Variants in TSPAN11 observed in about 807,000 individuals in gnomAD.
TSPAN11 encodes tetraspanin-11.
A neutral mutation model predicts 32.9 loss-of-function variants in TSPAN11; 29 were observed. The observed-to-expected ratio is 0.88, with a 90% confidence interval of 0.66 to 1.20. The LOEUF (loss-of-function observed/expected upper bound fraction) is 1.20, where lower values mean the gene tolerates loss of function less well. Ranked by LOEUF, TSPAN11 falls within the 50% of genes most tolerant of loss-of-function variation. TSPAN11 has a pLI of 0.00. For synonymous variants in TSPAN11, 140 were observed against 141.3 expected (o/e 0.99, Z 0.07); for missense variants, 283 against 329.1 (o/e 0.86, Z 1.08).
downstream of TSPAN11, among the ~76,000 whole-genome samples, chr12:30,998,492 T>C (rs957955842): frequency 4.6e-5 from 7 of 152,342 alleles, no homozygotes; most frequent in African/African-American, 1.7e-4. Context: ...TAAAAGCAAA[T>C]GCATGACAAG....
intron 7 of TSPAN11, among the ~76,000 whole-genome samples, chr12:30,990,148 G>A (rs1161476683): frequency 2.0e-5 from 3 of 152,108 alleles, no homozygotes; most frequent in Non-Finnish European, 4.4e-5. Flanking sequence ...GTGTGTGTGT[G>A]TGTGCAAGTG....
downstream of TSPAN11, among the ~76,000 whole-genome samples, chr12:30,998,154 C>T (rs558892326): frequency 6.6e-6 from 1 of 152,338 alleles, no homozygotes; most frequent in African/African-American, 2.4e-5. Context: ...GGGACAGGTG[C>T]CCTCCAGGCC....
chr12:30,975,656 C>T lies in TSPAN11; in HGVS notation c.277-2905C>T, dbSNP rs543297570. ...TCTACCTCCCCATCCTCCCTGTTCC[C>T]CACCCCGTCTTCAATAGTAACTGGG... On this transcript the variant is annotated intron_variant, in intron 3 of 7. Transcript: ENST00000546076. This position sits in a 1 kb window ranked among gnomAD's most constrained non-coding sequence, Gnocchi z 4.5. Among the ~76,000 whole-genome samples the T allele has an allele frequency of 6.6e-3, 1,007 of 152,212 alleles. 10 individuals are homozygous for T. The highest frequency in any genetic ancestry group is 0.023 in the African/African-American group (955 of 41,526).
intron 3 of TSPAN11, among the ~76,000 whole-genome samples, chr12:30,977,283 C>G (rs1271946412): frequency 1.3e-5 from 2 of 152,032 alleles, no homozygotes; most frequent in African/African-American, 2.4e-5. Context: ...ATCCTGGGCA[C>G]CGCCCCCGCT....
At chr12:30,942,630 C>T (rs1028207018) in intron 1 of TSPAN11, among the ~76,000 whole-genome samples, 13 of 151,764 alleles carry the variant, frequency 8.6e-5, no homozygotes, top group African/African-American at 3.1e-4. Flanking sequence ...TGTATGTCTG[C>T]ATCTGGAGAA....
chr12:30,933,112 G>A (rs1937967106), intron 1 of TSPAN11, among the ~76,000 whole-genome samples: 1 of 152,154 alleles, frequency 6.6e-6, no homozygotes. Context: ...CCCCTTGCTG[G>A]GCTGCAGCTG....
chr12:30,982,481 AC>A (rs755395656), intron 5 of TSPAN11, 50 bp from the exon 6 acceptor site: 9 of 1,574,030 alleles, frequency 5.7e-6, no homozygotes, highest in Non-Finnish European at 1.7e-6. Flanking sequence ...GCAGCCTGGG[AC>A]CCTACGCAGG....
chr12:30,949,675 C>A (rs1223520587), intron 1 of TSPAN11, among the ~76,000 whole-genome samples: 5 of 152,122 alleles, frequency 3.3e-5, no homozygotes, highest in Admixed American at 2.0e-4. Flanking sequence ...ACAGCCAAAC[C>A]ATATCAGCTT....
chr12:30,951,189 A>G (rs147316754), intron 1 of TSPAN11, among the ~76,000 whole-genome samples: 33 of 152,340 alleles, frequency 2.2e-4, no homozygotes, highest in African/African-American at 7.5e-4. Flanking sequence ...TGTGAAACAT[A>G]TATCAAAAAA....
rs1018699633 is a variant in TSPAN11, at chr12:30,992,175, C to T, written c.*260C>T. 6 of 551,872 alleles carry T rather than the reference C, an allele frequency of 1.1e-5. No individual in the cohort carries two copies. Among genetic ancestry groups the T allele is most frequent in the Non-Finnish European group, 2.0e-5 (6 of 307,642 alleles). 34.2% of individuals were successfully genotyped at this position (551,872 alleles called of 1,614,324 possible). ...GGAAATGATCCTTTCAGGAGACAAC[C>T]AGAGCCCCTCACCAGGAACGGGGGC... is the stretch of plus-strand genomic sequence containing the variant. On this transcript the variant is annotated 3_prime_UTR_variant, in exon 8 of 8. Transcript: ENST00000546076.
In TSPAN11 at chr12:30,996,258, G is replaced by A. The variant is rs531486630; in HGVS notation, c.*4343G>A. On this transcript the variant is annotated 3_prime_UTR_variant, in exon 8 of 8. Coordinates refer to ENST00000546076, the MANE Select transcript of TSPAN11 (RefSeq NM_001370302.1). ...TTTCCCACCAACTTCTACATGCCTT[G>A]GGAGAACCTGCTACATGTTGGCTGC... 2.0e-5 allele frequency: 3 copies of A among 152,384 alleles called. No homozygotes were observed. The highest frequency in any genetic ancestry group is 2.9e-5 in the Non-Finnish European group (2 of 68,074). 9.4% of individuals were successfully genotyped at this position (152,384 alleles called of 1,614,324 possible).
At chr12:31,000,774 T>G (rs1939470577), downstream of TSPAN11, among the ~76,000 whole-genome samples, 1 of 152,174 alleles carries the variant, frequency 6.6e-6, no homozygotes. Context: ...AAGAAGACGT[T>G]TAATTACACC....
Position 30,966,359 on chromosome 12 carries a change from C to G in TSPAN11, c.276+2342C>G, listed in dbSNP as rs566238815. The stretch of plus-strand genomic sequence containing the variant: ...CTATCACACTGGTGCACCTGGTCAC[C>G]CCAGCAGGTGCGCACAGTCTGCATG... On this transcript the variant is annotated intron_variant, in intron 3 of 7. Transcript: ENST00000546076. 2.0e-3 allele frequency among the ~76,000 whole-genome samples: 303 copies of G among 152,256 alleles called. 1 individual carries two copies. Among genetic ancestry groups the G allele is most frequent in the Non-Finnish European group, 3.8e-3 (259 of 68,008 alleles).
chr12:30,937,438 C>T (rs768455355), intron 1 of TSPAN11, among the ~76,000 whole-genome samples: 17 of 149,882 alleles, frequency 1.1e-4, no homozygotes, highest in Non-Finnish European at 2.2e-4. Context: ...TTTGGGGGGG[C>T]GGCAGGGGGC....
rs955355864 is a variant in TSPAN11, at chr12:30,996,149, C to T, written c.*4234C>T. The T allele has an allele frequency of 5.9e-5, 9 of 152,254 alleles. No individual in the cohort carries two copies. The East Asian group carries it at 7.7e-4, about 13-fold the overall frequency. The allele number at this position is 152,254 out of a possible 1,614,324, so 9.4% of individuals were successfully genotyped here. A position where few individuals can be genotyped will look rare whatever the true frequency, so the allele number is the denominator to read the frequency against. ...AGTTCTTGTTCTTCCCTGGAGGACT[C>T]TTGGATCGCCTGTGATCTTGGCCAG... On this transcript the variant is annotated 3_prime_UTR_variant, in exon 8 of 8. Coordinates refer to ENST00000546076, the MANE Select transcript of TSPAN11 (RefSeq NM_001370302.1).
chr12:30,965,527 C>T (rs1938712650), intron 3 of TSPAN11, among the ~76,000 whole-genome samples: 1 of 152,172 alleles, frequency 6.6e-6, no homozygotes, highest in African/African-American at 2.4e-5. Flanking sequence ...CAGTGGTCCC[C>T]TGCAGCACTG....
the TSPAN11 span, among the ~76,000 whole-genome samples, chr12:31,009,058 G>A: frequency 1.3e-5 from 2 of 151,102 alleles, no homozygotes; most frequent in African/African-American, 4.9e-5. Flanking sequence ...GACACTGCCT[G>A]CCCAATGACT....
chr12:30,942,727 T>TA (rs10661944), intron 1 of TSPAN11, among the ~76,000 whole-genome samples: 93,290 of 143,434 alleles, frequency 0.65, 30,131 homozygotes, highest in East Asian at 0.86. Context: ...CAAATGAAGT[T>TA]AAAAAAAAAA....
chr12:30,958,864 G>C (rs1938553069), intron 2 of TSPAN11, among the ~76,000 whole-genome samples: 1 of 152,056 alleles, frequency 6.6e-6, no homozygotes, highest in Non-Finnish European at 1.5e-5. Flanking sequence ...AGTGGGTATT[G>C]GTTGAAAGAA....
Sources: gnomAD v4.1 joint callset for allele counts (sites outside exome capture counted in the v4.1 genomes callset) on GRCh38, gnomAD v4.1.1 for gene constraint, Gnocchi (gnomAD v3.1) non-coding constraint, MANE v1.5 for transcripts, NCBI Gene and HGNC (gene_info 2026-07-23, HGNC 2026-07-21) for gene names.